The following CHL1 variants were observed in gnomAD, a reference collection of about 807,000 sequenced individuals.
The protein encoded by CHL1 is neural cell adhesion molecule L1-like protein.
Under a neutral mutation model 141.9 loss-of-function variants are expected in CHL1, and 96 were observed. The observed-to-expected ratio is 0.68, with a 90% CI of 0.57 to 0.80. CHL1 has a LOEUF of 0.80. CHL1 is among the 30% of genes least tolerant of loss of function. CHL1 has a pLI of 0.00. For synonymous variants in CHL1, 613 were observed against 502.2 expected (o/e 1.22, Z -2.95); for missense variants, 1,820 against 1,457.2 (o/e 1.25, Z -4.05).
At chr3:344,844 T>A in intron 9 of CHL1, 135 bp downstream of exon 9, 2 of 824,236 alleles carry the variant, frequency 2.4e-6, no homozygotes, top group Non-Finnish European at 3.7e-6. Context: ...TGCCGGGCAC[T>A]GCAGATATTC....
At chr3:216,845 A>G (rs943396321) in intron 1 of CHL1, among the ~76,000 whole-genome samples, 3 of 152,176 alleles carry the variant, frequency 2.0e-5, no homozygotes, top group African/African-American at 7.2e-5. Flanking sequence ...AAATGCCATG[A>G]TAGAGGCTCA....
intron 10 of CHL1, among the ~76,000 whole-genome samples, chr3:351,372 G>A (rs1026713797): frequency 6.6e-6 from 1 of 152,120 alleles, no homozygotes; most frequent in Non-Finnish European, 1.5e-5. Flanking sequence ...ACTATTAAAT[G>A]TACCTTCAGT....
At chr3:376,468 AC>A (rs1706339907) in intron 15 of CHL1, 1 of 501,216 alleles carries the variant, frequency 2.0e-6, no homozygotes, top group African/African-American at 2.0e-5. Context: ...CTAGTGAGGC[AC>A]CCAACGTTGA....
At chr3:312,097 A>G (rs530516997) in intron 2 of CHL1, among the ~76,000 whole-genome samples, 20 of 152,336 alleles carry the variant, frequency 1.3e-4, no homozygotes, top group African/African-American at 4.8e-4. Flanking sequence ...GTTATATTCA[A>G]TTATATTCCA....
chr3:348,654 T>G (rs1702970577), intron 9 of CHL1, among the ~76,000 whole-genome samples: 3 of 152,204 alleles, frequency 2.0e-5, no homozygotes, highest in African/African-American at 7.2e-5. Flanking sequence ...GGTTTTGTTT[T>G]GTCTTTACTT....
intron 3 of CHL1, among the ~76,000 whole-genome samples, chr3:322,645 A>AATATATATATATATAT (rs4002786): frequency 2.3e-5 from 3 of 130,208 alleles, no homozygotes; most frequent in African/African-American, 5.9e-5. Context: ...ATATATATAA[A>AATATATATATATATAT]ATATATATAT....
chr3:241,076 T>A (rs80127630), intron 1 of CHL1, among the ~76,000 whole-genome samples: 3,556 of 152,296 alleles, frequency 0.023, 80 homozygotes, highest in Middle Eastern at 0.065. Context: ...TATGCCCTTA[T>A]GGAACTCAAG....
At chr3:348,498 G>A (rs1702955624) in intron 9 of CHL1, among the ~76,000 whole-genome samples, 1 of 152,132 alleles carries the variant, frequency 6.6e-6, no homozygotes, top group Admixed American at 6.5e-5. Flanking sequence ...AATCAAATGA[G>A]TCACAGAAGG....
At position 337,287 on chromosome 3, in the gene CHL1, T is replaced by C. The variant is rs1461795296; in HGVS notation, c.386-3507T>C. On this transcript the variant is annotated intron_variant, in intron 5 of 27. Coordinates refer to ENST00000256509, the MANE Select transcript of CHL1 (RefSeq NM_006614.4). ...CTCACTGCAAGCTCCGCCTCCCGGG[T>C]TCCCGCCATTCTCCTGCCTCAGCCT... is the stretch of plus-strand genomic sequence containing the variant. Among the ~76,000 whole-genome samples the C allele has an allele frequency of 2.0e-5, 3 of 146,874 alleles. No homozygotes were observed. In the Admixed American group the frequency reaches 2.1e-4, roughly 10 times the overall value.
intron 2 of CHL1, among the ~76,000 whole-genome samples, chr3:260,292 A>C (rs1260278560): frequency 6.6e-6 from 1 of 152,112 alleles, no homozygotes; most frequent in Non-Finnish European, 1.5e-5. Context: ...ATGTTTGAAA[A>C]ATCAAAAAAT....
chr3:243,174 G>C (rs941894467), intron 1 of CHL1, among the ~76,000 whole-genome samples: 8 of 152,154 alleles, frequency 5.3e-5, no homozygotes, highest in Non-Finnish European at 1.5e-5. Context: ...AGCAGGGTCA[G>C]CAAATCTCAT....
Position 326,006 on chromosome 3 carries a change from T to G in CHL1, c.139T>G (p.Phe47Val). 2.5e-6 allele frequency: 4 copies of G among 1,611,842 alleles called. No homozygotes were observed. The highest frequency in any genetic ancestry group is 3.4e-6 in the Non-Finnish European group (4 of 1,178,634). ...AAAACAGTCAAAAGTCCAAGTTGCCTTTCCCTTCGATGAGTATTTTCAAAT... is the reference window on the plus strand; with the variant it reads ...AAAACAGTCAAAAGTCCAAGTTGCCGTTCCCTTCGATGAGTATTTTCAAAT... ...IIKQSKVQVA[F>V]PFDEYFQIEC... Residue 47 changes from phenylalanine to valine, a missense_variant, in exon 4 of 28, where the codon TTT (phenylalanine) becomes GTT (valine). Physicochemically the swap from Phe to Val is conservative, Grantham distance 50. Transcript: ENST00000256509.
intron 15 of CHL1, among the ~76,000 whole-genome samples, chr3:375,597 C>T (rs890813219): frequency 6.6e-6 from 1 of 151,724 alleles, no homozygotes; most frequent in Non-Finnish European, 1.5e-5. Context: ...CATTAAAACA[C>T]CAACCATGAG....
chr3:337,943 A>G (rs448325), intron 5 of CHL1, among the ~76,000 whole-genome samples: 149,465 of 152,286 alleles, frequency 0.98, 73,388 homozygotes, highest in Middle Eastern at 1. Context: ...CTGAGGAATA[A>G]CACTGTCTTC....
intron 2 of CHL1, among the ~76,000 whole-genome samples, chr3:316,416 C>T (rs770741450): frequency 6.7e-6 from 1 of 149,602 alleles, no homozygotes; most frequent in Non-Finnish European, 1.5e-5. Flanking sequence ...ATGGCAAAAA[C>T]CACAATAACT....
chr3:361,754 G>T lies in CHL1; in HGVS notation c.1362G>T (p.Gly454=). Residue 454 remains glycine (G), a synonymous_variant, in exon 13 of 28, where the codon GGG becomes GGT. Transcript: ENST00000256509. The part of the protein sequence containing the change: ...KDGENYATVV[G]YSAFLHCEFF... ...GAGAAAATTACGCTACAGTGGTTGGGTACAGTGCTTTCTTACATTGCGAGT... is the reference window on the plus strand; with the variant it reads ...GAGAAAATTACGCTACAGTGGTTGGTTACAGTGCTTTCTTACATTGCGAGT... 1 of 1,613,656 alleles carries T rather than the reference G, an allele frequency of 6.2e-7. No homozygotes were observed. Among genetic ancestry groups the T allele is most frequent in the South Asian group, 1.1e-5 (1 of 91,054 alleles).
intron 2 of CHL1, among the ~76,000 whole-genome samples, chr3:314,349 A>ATATC (rs1553562755): frequency 8.3e-6 from 1 of 120,712 alleles, no homozygotes. Flanking sequence ...ATATATATAT[A>ATATC]TATATATATA....
At chr3:250,373 G>A (rs978357737) in intron 2 of CHL1, among the ~76,000 whole-genome samples, 4 of 152,170 alleles carry the variant, frequency 2.6e-5, no homozygotes, top group Non-Finnish European at 4.4e-5. Context: ...GATAAATTGT[G>A]TAGAAGTGAC....
At chr3:371,611 G>A (rs986754881) in intron 15 of CHL1, among the ~76,000 whole-genome samples, 2 of 152,092 alleles carry the variant, frequency 1.3e-5, no homozygotes, top group African/African-American at 2.4e-5. Context: ...TTACATTTAA[G>A]GTTAGTATTG....
Sources: allele counts gnomAD v4.1 joint callset (sites outside exome capture counted in the v4.1 genomes callset), GRCh38; gene constraint gnomAD v4.1.1; transcripts MANE v1.5; gene names NCBI Gene and HGNC (gene_info 2026-07-23, HGNC 2026-07-21).